TMOD2: variants seen among roughly 807,000 people sequenced by gnomAD.
TMOD2 encodes tropomodulin 2, also known as tropomodulin-2.
Under a neutral mutation model 39.9 loss-of-function variants are expected in TMOD2, and 22 were observed. The ratio of observed to expected loss-of-function variants is 0.55; its 90% CI spans 0.39 to 0.79. TMOD2 has a LOEUF of 0.79. Ranked by LOEUF, TMOD2 falls within the 30% of genes least tolerant of loss-of-function variation. The pLI, the probability that TMOD2 is intolerant of heterozygous loss-of-function variation, is 0.00. For missense variants in TMOD2, 386 were observed against 413.3 expected, an observed-to-expected ratio of 0.93 and a Z score of 0.57; for synonymous variants, 123 against 146.1, an observed-to-expected ratio of 0.84 and a Z score of 1.14.
chr15:51,775,477 A>C (rs571114721), intron 4 of TMOD2, among the ~76,000 whole-genome samples: 20 of 150,874 alleles, frequency 1.3e-4, no homozygotes, highest in African/African-American at 4.6e-4. Context: ...GAGCAAGAAG[A>C]TATGTTTGTT....
chr15:51,762,682 A>G (rs146118633), intron 1 of TMOD2, among the ~76,000 whole-genome samples: 3 of 152,164 alleles, frequency 2.0e-5, no homozygotes, highest in Non-Finnish European at 2.9e-5. Context: ...CCATGCCCCT[A>G]TGTCATTCCT....
At chr15:51,801,713 A>C (rs1046980137) in intron 8 of TMOD2, among the ~76,000 whole-genome samples, 3 of 152,202 alleles carry the variant, frequency 2.0e-5, no homozygotes, top group South Asian at 2.1e-4. Context: ...AATAAATTTG[A>C]GTAGATAAAA....
intron 1 of TMOD2, among the ~76,000 whole-genome samples, chr15:51,761,824 G>A (rs1174491954): frequency 2.0e-5 from 3 of 151,632 alleles, no homozygotes; most frequent in Non-Finnish European, 4.4e-5. Flanking sequence ...AAAAAGGCTG[G>A]CAATCAAAAT....
At chr15:51,800,983 A>T (rs887967993) in intron 8 of TMOD2, among the ~76,000 whole-genome samples, 1 of 152,166 alleles carries the variant, frequency 6.6e-6, no homozygotes, top group Non-Finnish European at 1.5e-5. Flanking sequence ...GGGATTACAG[A>T]CATGAGCCCC....
rs992989718 is a variant in TMOD2, at chr15:51,812,029, A to G, written c.*3575A>G. 34 of 152,064 alleles carry G rather than the reference A, an allele frequency of 2.2e-4. No homozygotes were observed. Among genetic ancestry groups the G allele is most frequent in the Non-Finnish European group, 1.5e-4 (10 of 68,028 alleles). 9.4% of individuals were successfully genotyped at this position (152,064 alleles called of 1,614,324 possible). ...CACATTGTATATAAATATTTTGTAC[A>G]TAAAGATCATCAAATACCATAATGG... On this transcript the variant is annotated 3_prime_UTR_variant, in exon 10 of 10. Transcript: ENST00000249700.
At chr15:51,773,659 C>T (rs1278379117) in intron 3 of TMOD2, 53 bp from the exon 4 acceptor site, 4 of 1,541,400 alleles carry the variant, frequency 2.6e-6, no homozygotes, top group South Asian at 1.3e-5. Context: ...GTCTACTTAC[C>T]CTACCAATAA....
At chr15:51,788,577 T>A (rs914978695) in intron 7 of TMOD2, among the ~76,000 whole-genome samples, 1 of 152,126 alleles carries the variant, frequency 6.6e-6, no homozygotes, top group African/African-American at 2.4e-5. Flanking sequence ...ATTGTCAGAT[T>A]CACCAAGGTT....
intron 3 of TMOD2, among the ~76,000 whole-genome samples, chr15:51,770,226 T>C (rs1279854453): frequency 2.0e-5 from 3 of 152,124 alleles, no homozygotes; most frequent in African/African-American, 7.2e-5. Context: ...CTCAGGCTGG[T>C]CTTCTCATGT....
chr15:51,760,202 G>A (rs774727685), intron 1 of TMOD2, among the ~76,000 whole-genome samples: 5 of 152,204 alleles, frequency 3.3e-5, no homozygotes, highest in Admixed American at 1.3e-4. Context: ...TAAATCCAGT[G>A]GCTTAAAACA....
chr15:51,777,136 T>A (rs1487629550), intron 5 of TMOD2, 118 bp downstream of exon 5: 1 of 842,366 alleles, frequency 1.2e-6, no homozygotes, highest in Non-Finnish European at 1.9e-6. Flanking sequence ...TAGGATCACT[T>A]GGGCTTTGAG....
In TMOD2 at chr15:51,812,943, A is replaced by G. The variant is rs1454352853; in HGVS notation, c.*4489A>G. 1 of 152,224 alleles carries G rather than the reference A, an allele frequency of 6.6e-6. No homozygotes were observed. The highest frequency in any genetic ancestry group is 6.5e-5 in the Admixed American group (1 of 15,278). 9.4% of individuals were successfully genotyped at this position (152,224 alleles called of 1,614,324 possible). ...CCAATCCTAAAGCTAAAGTACTGAGATGCACACAAAGGAAAGGTGTGAGAG... is the reference window on the plus strand; with the variant it reads ...CCAATCCTAAAGCTAAAGTACTGAGGTGCACACAAAGGAAAGGTGTGAGAG... On this transcript the variant is annotated 3_prime_UTR_variant, in exon 10 of 10. Coordinates refer to ENST00000249700, the MANE Select transcript of TMOD2 (RefSeq NM_014548.4).
Position 51,814,973 on chromosome 15 carries a change from CT to C in TMOD2, c.*6520del, listed in dbSNP as rs1404593697. On this transcript the variant is annotated 3_prime_UTR_variant, in exon 10 of 10. Coordinates refer to ENST00000249700, the MANE Select transcript of TMOD2 (RefSeq NM_014548.4). ...CTGAAAGGATATTTAAAAATATATACTATTTAGGCTGGGCCCAGTGGCTCAT... is the reference window on the plus strand; with the variant it reads ...CTGAAAGGATATTTAAAAATATATACATTTAGGCTGGGCCCAGTGGCTCAT... 1 of 152,178 alleles carries C rather than the reference CT, an allele frequency of 6.6e-6. No homozygotes were observed. Among genetic ancestry groups the C allele is most frequent in the African/African-American group, 2.4e-5 (1 of 41,428 alleles). 9.4% of individuals were successfully genotyped at this position (152,178 alleles called of 1,614,324 possible).
rs942851352 is a variant in TMOD2, at chr15:51,809,110, C to G, written c.*656C>G. 2.0e-5 allele frequency: 3 copies of G among 152,548 alleles called. No homozygotes were observed. Among genetic ancestry groups the G allele is most frequent in the African/African-American group, 7.2e-5 (3 of 41,418 alleles). The allele number at this position is 152,548 out of a possible 1,614,324, so 9.4% of individuals were successfully genotyped here. On this transcript the variant is annotated 3_prime_UTR_variant, in exon 10 of 10. Transcript: ENST00000249700. ...ATTAACCCACAAATGTAGCATCAAG[C>G]CAGACTCACAGGTAGCAAAATGAAT...
At chr15:51,797,115 G>A (rs938901430) in intron 7 of TMOD2, among the ~76,000 whole-genome samples, 5 of 152,190 alleles carry the variant, frequency 3.3e-5, no homozygotes, top group African/African-American at 1.2e-4. Flanking sequence ...TTCCCACTGA[G>A]GTTGACAGCA....
chr15:51,752,383 C>T (rs903848356), intron 1 of TMOD2: 1 of 152,192 alleles, frequency 6.6e-6, no homozygotes, highest in Non-Finnish European at 1.5e-5. Flanking sequence ...TAAAAGGCTT[C>T]TAATGGGAAT....
At chr15:51,753,587 G>A (rs2055722324) in intron 1 of TMOD2, among the ~76,000 whole-genome samples, 2 of 152,120 alleles carry the variant, frequency 1.3e-5, no homozygotes, top group Non-Finnish European at 2.9e-5. Flanking sequence ...GATAGTTGGG[G>A]ATGTTTGAAT....
chr15:51,804,814 G>A (rs56185947), intron 8 of TMOD2, among the ~76,000 whole-genome samples: 58,967 of 151,840 alleles, frequency 0.39, 11,569 homozygotes, highest in Middle Eastern at 0.44. Flanking sequence ...CTCATGATCC[G>A]CCCGTCTCAG....
rs1370841160 is a variant in TMOD2 at position 51,809,562 on chromosome 15, A to T, written c.*1108A>T. On this transcript the variant is annotated 3_prime_UTR_variant, in exon 10 of 10. Transcript: ENST00000249700. Reference sequence around the variant, plus strand: ...AGTACAAGTGAGATGGTTGCATTGTAGTATGCATTAATCTTTCAATGTAGT... The same window carrying T: ...AGTACAAGTGAGATGGTTGCATTGTTGTATGCATTAATCTTTCAATGTAGT... 1.3e-5 allele frequency: 2 copies of T among 152,256 alleles called. No homozygotes were observed. Among genetic ancestry groups the T allele is most frequent in the East Asian group, 3.8e-4 (2 of 5,198 alleles). 9.4% of individuals were successfully genotyped at this position (152,256 alleles called of 1,614,324 possible). A position where few individuals can be genotyped will look rare whatever the true frequency, so the allele number is the denominator to read the frequency against.
chr15:51,762,453 G>C (rs981490205), intron 1 of TMOD2, among the ~76,000 whole-genome samples: 9 of 152,190 alleles, frequency 5.9e-5, no homozygotes, highest in African/African-American at 1.9e-4. Context: ...GACTGAGACC[G>C]TGTCTCAAAA....
Sources: gnomAD v4.1 joint callset for allele counts (sites outside exome capture counted in the v4.1 genomes callset) on GRCh38, gnomAD v4.1.1 for gene constraint, MANE v1.5 for transcripts, NCBI Gene and HGNC (gene_info 2026-07-23, HGNC 2026-07-21) for gene names.